The following TINAG variants were observed in gnomAD, a reference collection of about 807,000 sequenced individuals.
TINAG encodes the protein tubulointerstitial nephritis antigen.
Under a neutral mutation model 72.7 loss-of-function variants are expected in TINAG, and 83 were observed. The observed-to-expected ratio is 1.14, with a 90% CI of 0.96 to 1.37. The LOEUF (loss-of-function observed/expected upper bound fraction) is 1.37. Among genes scored for constraint, TINAG ranks in the 40% most tolerant of loss-of-function variants. The pLI, the probability that TINAG is intolerant of heterozygous loss-of-function variation, is 0.00. For synonymous variants in TINAG, 234 were observed against 189.9 expected (o/e 1.23, Z -1.91); for missense variants, 685 against 576.6 (o/e 1.19, Z -1.93).
chr6:54,357,226 C>G (rs751449372), intron 9 of TINAG, among the ~76,000 whole-genome samples: 25 of 151,858 alleles, frequency 1.6e-4, no homozygotes, highest in Non-Finnish European at 2.9e-4. Context: ...CATTTTCCCC[C>G]CTGTACTTCT....
intron 1 of TINAG, among the ~76,000 whole-genome samples, chr6:54,312,173 T>C (rs1784274630): frequency 6.6e-6 from 1 of 152,016 alleles, no homozygotes; most frequent in Admixed American, 6.6e-5. Flanking sequence ...ATTCTCCCAC[T>C]TTAAACTTCC....
intron 3 of TINAG, among the ~76,000 whole-genome samples, chr6:54,324,313 C>T (rs1784557079): frequency 6.6e-6 from 1 of 152,164 alleles, no homozygotes; most frequent in Non-Finnish European, 1.5e-5. Context: ...CTGTGATGGC[C>T]TTACTCTATG....
At chr6:54,374,404 G>T (rs1024851935) in intron 9 of TINAG, among the ~76,000 whole-genome samples, 5 of 152,068 alleles carry the variant, frequency 3.3e-5, no homozygotes, top group Admixed American at 6.6e-5. Context: ...AGAAAATTAA[G>T]TGGTGGTAGG....
chr6:54,327,094 T>C (rs1784622236), intron 4 of TINAG, 178 bp downstream of exon 4: 5 of 1,542,268 alleles, frequency 3.2e-6, no homozygotes, highest in Non-Finnish European at 3.5e-6. Context: ...AAGTTTCATA[T>C]GAGATTTGCA....
Position 54,389,968 on chromosome 6 carries a change from C to A in TINAG, c.*43C>A, listed in dbSNP as rs1376710582. The A allele has an allele frequency of 6.3e-7, 1 of 1,588,376 alleles. No individual in the cohort carries two copies. The highest frequency in any genetic ancestry group is 8.5e-7 in the Non-Finnish European group (1 of 1,172,148). The stretch of plus-strand genomic sequence containing the variant: ...ATAAGGTCATGCCTTTAAGTAACCC[C>A]CTAAATTGAAGTTTAGCAATATGAC... On this transcript the variant is annotated 3_prime_UTR_variant, in exon 11 of 11. Transcript: ENST00000259782.
rs573236252 is a variant in TINAG, at chr6:54,325,398, T to G, written c.510-1404T>G. ...CTAAATTGGATTAAAATGAAACTTA[T>G]GAGTCCAGGTCAAGAAGGATGTTAT... On this transcript the variant is annotated intron_variant, in intron 3 of 10. Coordinates refer to ENST00000259782, the MANE Select transcript of TINAG (RefSeq NM_014464.4). Among the ~76,000 whole-genome samples, 4 of 152,286 alleles carry G rather than the reference T, an allele frequency of 2.6e-5. No individual in the cohort carries two copies. The South Asian group carries it at 6.2e-4, about 24-fold the overall frequency.
In TINAG at chr6:54,321,340, C is replaced by T; in HGVS notation, c.463C>T (p.Leu155Phe). ...ATGGAAATGTTCCCAGCATGTATGC[C>T]TTGTTCGTTCAGAATTAATTGAACA... ...QQWKCSQHVC[L>F]VRSELIEQVN... is the part of the protein sequence containing the mutation. Residue 155 changes from leucine (L) to phenylalanine (F), a missense_variant, in exon 3 of 11, where the codon CTT (leucine) becomes TTT (phenylalanine). Transcript: ENST00000259782. 1.2e-6 allele frequency: 2 copies of T among 1,613,752 alleles called. No individual in the cohort carries two copies. The highest frequency in any genetic ancestry group is 8.5e-7 in the Non-Finnish European group (1 of 1,179,820).
intron 9 of TINAG, chr6:54,366,958 G>T (rs1763448457): frequency 6.6e-6 from 1 of 151,566 alleles, no homozygotes; most frequent in Non-Finnish European, 1.5e-5. Flanking sequence ...ATACTAAGAG[G>T]TAGCCAAGAC....
Position 54,343,223 on chromosome 6 carries a change from T to C in TINAG, c.625-3T>C. 5 of 1,552,658 alleles carry C rather than the reference T, an allele frequency of 3.2e-6. No homozygotes were observed. The highest frequency in any genetic ancestry group is 4.4e-6 in the Non-Finnish European group (5 of 1,147,134). On this transcript the variant is annotated splice_region_variant and splice_polypyrimidine_tract_variant and intron_variant, in intron 4 of 10. Transcript: ENST00000259782. ...CATATATGTACCTCTTCTTCCTCTT[T>C]AGGCTTCTTTACCTGCAACAACTGA...
At chr6:54,356,813 G>T (rs760928379) in intron 9 of TINAG, among the ~76,000 whole-genome samples, 31 of 151,062 alleles carry the variant, frequency 2.1e-4, no homozygotes, top group African/African-American at 5.8e-4. Context: ...TAGACTCCAG[G>T]CCCTCTTAGC....
intron 4 of TINAG, among the ~76,000 whole-genome samples, chr6:54,338,383 G>C (rs1312776345): frequency 6.6e-6 from 1 of 151,994 alleles, no homozygotes; most frequent in Non-Finnish European, 1.5e-5. Flanking sequence ...CTATTCTCTG[G>C]CCTCTCCATG....
At chr6:54,345,630 T>C (rs1785102719) in intron 5 of TINAG, among the ~76,000 whole-genome samples, 1 of 152,138 alleles carries the variant, frequency 6.6e-6, no homozygotes, top group Admixed American at 6.6e-5. Flanking sequence ...GAATTTCTCC[T>C]TTCCTTGATG....
At chr6:54,321,569 C>T (rs1429603312) in intron 3 of TINAG, among the ~76,000 whole-genome samples, 183 bp downstream of exon 3, 2 of 152,040 alleles carry the variant, frequency 1.3e-5, no homozygotes, top group Admixed American at 6.6e-5. Context: ...TTAAAATGAT[C>T]AAATAATAAA....
rs778200597 is a variant in TINAG, at chr6:54,351,417, G to T, written c.1126+20G>T. The T allele has an allele frequency of 9.3e-6, 15 of 1,605,754 alleles. No individual in the cohort carries two copies. Among genetic ancestry groups the T allele is most frequent in the African/African-American group, 1.3e-5 (1 of 74,480 alleles). ...TTCAAGGTAAGCTTGAATGAAATAC[G>T]GTTTTTTCTTACTCATTCCTTTAAT... is the stretch of plus-strand genomic sequence containing the variant. On this transcript the variant is annotated intron_variant, in intron 8 of 10. Transcript: ENST00000259782.
intron 1 of TINAG, among the ~76,000 whole-genome samples, chr6:54,309,286 G>A (rs1341333063): frequency 1.3e-5 from 2 of 152,118 alleles, no homozygotes; most frequent in South Asian, 2.1e-4. Context: ...AGAGTCTCAA[G>A]AAAGTCGCAA....
intron 9 of TINAG, among the ~76,000 whole-genome samples, chr6:54,366,640 C>T (rs1356532665): frequency 6.6e-6 from 1 of 150,388 alleles, no homozygotes; most frequent in Non-Finnish European, 1.5e-5. Flanking sequence ...TGCCAATGTC[C>T]AATGTCTTAA....
intron 10 of TINAG, among the ~76,000 whole-genome samples, chr6:54,389,083 C>T (rs940758560): frequency 3.3e-5 from 5 of 152,098 alleles, no homozygotes; most frequent in Non-Finnish European, 5.9e-5. Context: ...TCTTTCCTCC[C>T]CTTCCAGCCT....
intron 9 of TINAG, among the ~76,000 whole-genome samples, chr6:54,369,105 T>G (rs1336944669): frequency 6.6e-6 from 1 of 152,062 alleles, no homozygotes; most frequent in East Asian, 1.9e-4. Flanking sequence ...ATTCAAGAGT[T>G]ATTTCAATAT....
chr6:54,352,686 A>G (rs967135003), intron 8 of TINAG, among the ~76,000 whole-genome samples: 1 of 151,618 alleles, frequency 6.6e-6, no homozygotes, highest in Admixed American at 6.6e-5. Context: ...TTAACCTTTC[A>G]GAATCTTCAA....
Sources: gnomAD v4.1 joint callset for allele counts (sites outside exome capture counted in the v4.1 genomes callset) on GRCh38, gnomAD v4.1.1 for gene constraint, MANE v1.5 for transcripts, NCBI Gene and HGNC (gene_info 2026-07-23, HGNC 2026-07-21) for gene names.